CCDC91: variants seen among roughly 807,000 people sequenced by gnomAD.
The protein encoded by CCDC91 is coiled-coil domain containing 91.
Under a neutral mutation model 63.2 loss-of-function variants are expected in CCDC91, and 48 were observed. The observed-to-expected ratio is 0.76, with a 90% CI of 0.60 to 0.97. CCDC91 has a LOEUF of 0.97. CCDC91 is among the 50% of genes least tolerant of loss of function. CCDC91 has a pLI of 0.00. For missense variants in CCDC91, 500 were observed against 494.6 expected, an observed-to-expected ratio of 1.01 and a Z score of -0.10; for synonymous variants, 167 against 165.8, an observed-to-expected ratio of 1.01 and a Z score of -0.06.
At chr12:28,503,257 A>G (rs1592874484) in intron 12 of CCDC91, among the ~76,000 whole-genome samples, 1 of 152,236 alleles carries the variant, frequency 6.6e-6, no homozygotes, top group Non-Finnish European at 1.5e-5. Context: ...AAACAACCCC[A>G]TCAAAAAGTG....
At chr12:28,394,333 G>C (rs1259352289) in intron 8 of CCDC91, among the ~76,000 whole-genome samples, 2 of 152,162 alleles carry the variant, frequency 1.3e-5, no homozygotes, top group East Asian at 3.9e-4. Context: ...GGGTGTGGTG[G>C]CGGGCACCTG....
chr12:28,367,988 C>A (rs1944382958), intron 7 of CCDC91, among the ~76,000 whole-genome samples: 1 of 152,190 alleles, frequency 6.6e-6, no homozygotes, highest in Non-Finnish European at 1.5e-5. Flanking sequence ...GGGTCTCCAG[C>A]CTGTCAGCCT....
chr12:28,436,019 A>T (rs1948885681), intron 8 of CCDC91, among the ~76,000 whole-genome samples: 1 of 151,766 alleles, frequency 6.6e-6, no homozygotes, highest in Admixed American at 6.6e-5. Flanking sequence ...ACAACATATA[A>T]TTCAGCCTTT....
intron 3 of CCDC91, among the ~76,000 whole-genome samples, chr12:28,280,255 T>A (rs774432771): frequency 6.6e-6 from 1 of 152,166 alleles, no homozygotes; most frequent in Non-Finnish European, 1.5e-5. Flanking sequence ...GTTGAATAAA[T>A]CTTTTATGTT....
At chr12:28,418,629 G>A (rs1337327019) in intron 8 of CCDC91, among the ~76,000 whole-genome samples, 2 of 152,012 alleles carry the variant, frequency 1.3e-5, no homozygotes, top group African/African-American at 2.4e-5. Flanking sequence ...TTATGTTAAT[G>A]GCAGATTAAT....
intron 8 of CCDC91, among the ~76,000 whole-genome samples, chr12:28,430,665 A>G (rs1016567786): frequency 6.6e-6 from 1 of 152,164 alleles, no homozygotes; most frequent in Non-Finnish European, 1.5e-5. Context: ...ATAAACATGT[A>G]TTAGCCTAAA....
chr12:28,279,900 C>T (rs539657342), intron 3 of CCDC91, among the ~76,000 whole-genome samples: 22 of 144,514 alleles, frequency 1.5e-4, no homozygotes, highest in African/African-American at 5.3e-4. Context: ...ATGCAGTGTT[C>T]ATACACTTTT....
At chr12:28,329,696 C>T (rs1941329965) in intron 6 of CCDC91, among the ~76,000 whole-genome samples, 1 of 151,990 alleles carries the variant, frequency 6.6e-6, no homozygotes, top group African/African-American at 2.4e-5. Flanking sequence ...ATACACGTGC[C>T]ATGTTGGTTT....
In CCDC91 at chr12:28,382,426, C is replaced by A. The variant is rs1260016343; in HGVS notation, c.655-8878C>A. Among the ~76,000 whole-genome samples the A allele has an allele frequency of 2.0e-5, 3 of 151,820 alleles. No homozygotes were observed. The East Asian group carries it at 5.8e-4, about 29-fold the overall frequency. On this transcript the variant is annotated intron_variant, in intron 7 of 12. Coordinates refer to ENST00000536442, the MANE Select transcript of CCDC91 (RefSeq NM_018318.5). ...AAAAGTAGGTAATTTAACTCTCAAA[C>A]AACAAACTGTTAGAATACAGGATTT...
chr12:28,273,380 G>A (rs1947928848), intron 3 of CCDC91, among the ~76,000 whole-genome samples: 7 of 152,220 alleles, frequency 4.6e-5, no homozygotes, highest in Admixed American at 1.3e-4. Context: ...GGGTCAAATG[G>A]TATTTCTAGT....
chr12:28,294,673 C>G (rs1290491063), intron 3 of CCDC91, among the ~76,000 whole-genome samples: 2 of 152,106 alleles, frequency 1.3e-5, no homozygotes, highest in African/African-American at 2.4e-5. Context: ...CAACCTCTAC[C>G]TCCTGGGTTC....
chr12:28,393,378 AATT>A lies in CCDC91; in HGVS notation c.762+1968_762+1970del, dbSNP rs144278728. Among the ~76,000 whole-genome samples, 1,391 of 151,142 alleles carry A rather than the reference AATT, an allele frequency of 9.2e-3. 27 individuals are homozygous for A. Among genetic ancestry groups the A allele is most frequent in the African/African-American group, 0.032 (1,321 of 41,258 alleles). On this transcript the variant is annotated intron_variant, in intron 8 of 12. Transcript: ENST00000536442. ...ACTTTGTATTTTTTTTTCTTTTTGAAATTTTTTTTTTTTTTACTAGCCTGCCTT... is the reference window on the plus strand; with the variant it reads ...ACTTTGTATTTTTTTTTCTTTTTGAATTTTTTTTTTTTACTAGCCTGCCTT...
At chr12:28,398,429 A>C (rs1946418517) in intron 8 of CCDC91, among the ~76,000 whole-genome samples, 1 of 152,126 alleles carries the variant, frequency 6.6e-6, no homozygotes, top group Non-Finnish European at 1.5e-5. Flanking sequence ...TTATTCATTC[A>C]CTTATTAAAT....
chr12:28,409,916 T>G (rs1471439558), intron 8 of CCDC91, among the ~76,000 whole-genome samples: 1 of 152,184 alleles, frequency 6.6e-6, no homozygotes, highest in Non-Finnish European at 1.5e-5. Context: ...TTATGTGGTT[T>G]GAATACATTT....
intron 8 of CCDC91, among the ~76,000 whole-genome samples, chr12:28,442,058 G>T (rs1949253781): frequency 1.3e-5 from 2 of 151,852 alleles, no homozygotes; most frequent in Admixed American, 6.6e-5. Flanking sequence ...GAAAGTGAGT[G>T]ATAGGTGTAG....
At chr12:28,513,810 A>G (rs1405215670) in intron 12 of CCDC91, among the ~76,000 whole-genome samples, 1 of 151,810 alleles carries the variant, frequency 6.6e-6, no homozygotes, top group Non-Finnish European at 1.5e-5. Context: ...TCTTATGTCT[A>G]CATAGTATTC....
At chr12:28,253,065 CT>C (rs943041162) in intron 1 of CCDC91, among the ~76,000 whole-genome samples, 12 of 152,184 alleles carry the variant, frequency 7.9e-5, no homozygotes, top group African/African-American at 2.9e-4. Flanking sequence ...ATAGTCCCTT[CT>C]TTTAACCTTT....
At chr12:28,319,767 C>T (rs1460982658) in intron 6 of CCDC91, among the ~76,000 whole-genome samples, 1 of 150,670 alleles carries the variant, frequency 6.6e-6, no homozygotes, top group East Asian at 2.0e-4. Flanking sequence ...AATGTGAATG[C>T]TATGTAAATT....
At chr12:28,213,450 C>T (rs1427396214) in intron 1 of CCDC91, among the ~76,000 whole-genome samples, 2 of 152,168 alleles carry the variant, frequency 1.3e-5, no homozygotes, top group African/African-American at 4.8e-5. Context: ...AGGATAATGT[C>T]AGAAGGAACA....
Sources: allele counts gnomAD v4.1 joint callset (sites outside exome capture counted in the v4.1 genomes callset), GRCh38; gene constraint gnomAD v4.1.1; transcripts MANE v1.5; gene names NCBI Gene and HGNC (gene_info 2026-07-23, HGNC 2026-07-21).